Variants in INTS6 observed in about 807,000 individuals in gnomAD.
INTS6 encodes the protein integrator complex subunit 6.
INTS6 carries 16 observed loss-of-function variants against 104.9 expected under a neutral mutation model. The ratio of observed to expected loss-of-function variants is 0.15; its 90% CI spans 0.10 to 0.23. The LOEUF (loss-of-function observed/expected upper bound fraction) is 0.23, where lower values mean the gene tolerates loss of function less well. Ranked by LOEUF, INTS6 falls within the 10% of genes least tolerant of loss-of-function variation. The pLI is 1.00. For missense variants in INTS6, 584 were observed against 1,062.8 expected, an observed-to-expected ratio of 0.55 and a Z score of 6.26; for synonymous variants, 324 against 358.7, an observed-to-expected ratio of 0.90 and a Z score of 1.09.
At chr13:51,336,961 C>A in the INTS6 span, among the ~76,000 whole-genome samples, 1 of 152,246 alleles carries the variant, frequency 6.6e-6, no homozygotes, top group Non-Finnish European at 1.5e-5. Context: ...CCAGCGGCAG[C>A]GCTTTGCCGT....
chr13:51,443,655 C>T (rs1952839164), intron 3 of INTS6: 1 of 152,066 alleles, frequency 6.6e-6, no homozygotes, highest in East Asian at 1.9e-4. Context: ...CCCAGGAGTT[C>T]AAGACCAGCC....
chr13:51,404,500 A>G (rs965921188), intron 4 of INTS6, among the ~76,000 whole-genome samples: 1 of 152,090 alleles, frequency 6.6e-6, no homozygotes, highest in African/African-American at 2.4e-5. Flanking sequence ...TGAGCTGCAA[A>G]GCCTACCTGA....
chr13:51,384,973 T>C (rs1956114140), intron 7 of INTS6: 1 of 224,468 alleles, frequency 4.5e-6, no homozygotes, highest in Non-Finnish European at 9.0e-6. Context: ...ATAATTTCCC[T>C]ATCTAAAACT....
At chr13:51,392,321 A>G (rs543118592) in intron 5 of INTS6, among the ~76,000 whole-genome samples, 2 of 152,178 alleles carry the variant, frequency 1.3e-5, no homozygotes, top group Non-Finnish European at 2.9e-5. Flanking sequence ...CTATTACTCT[A>G]TTCCCCGCTA....
At chr13:51,380,054 T>C (rs887464799) in intron 10 of INTS6, among the ~76,000 whole-genome samples, 13 of 152,056 alleles carry the variant, frequency 8.5e-5, no homozygotes, top group Non-Finnish European at 1.0e-4. Context: ...ATGGGGATAA[T>C]AACAATACCT....
At chr13:51,399,212 GTTTTATT>G (rs146529366) in intron 4 of INTS6, among the ~76,000 whole-genome samples, 17,834 of 151,946 alleles carry the variant, frequency 0.12, 1,284 homozygotes, top group South Asian at 0.21. Context: ...ATCATAATTA[GTTTTATT>G]TTTTAGAGAC....
At chr13:51,450,176 A>T in intron 3 of INTS6, 1 of 985,030 alleles carries the variant, frequency 1.0e-6, no homozygotes, top group Non-Finnish European at 1.2e-6. Context: ...ACTACAACAT[A>T]AGAACTGAGC....
chr13:51,391,687 A>G (rs1440350847), intron 5 of INTS6, among the ~76,000 whole-genome samples: 1 of 152,208 alleles, frequency 6.6e-6, no homozygotes. Context: ...GAGTCCACAA[A>G]AAAGTCAAAC....
chr13:51,392,528 G>A (rs1287587561), intron 5 of INTS6, among the ~76,000 whole-genome samples: 1 of 152,196 alleles, frequency 6.6e-6, no homozygotes, highest in African/African-American at 2.4e-5. Flanking sequence ...CCTTCCTGTT[G>A]CTTCCAAATA....
At chr13:51,353,230 A>T (rs915746943), downstream of INTS6, among the ~76,000 whole-genome samples, 2 of 152,178 alleles carry the variant, frequency 1.3e-5, no homozygotes, top group Non-Finnish European at 2.9e-5. Context: ...GATATTATCC[A>T]GTTTTATTAC....
intron 3 of INTS6, among the ~76,000 whole-genome samples, chr13:51,434,428 GAAAAGAA>G (rs1957149525): frequency 1.3e-5 from 2 of 151,858 alleles, no homozygotes; most frequent in South Asian, 4.1e-4. Context: ...ATCAAACATA[GAAAAGAA>G]AAAAGAAAAA....
chr13:51,343,840 A>G, the INTS6 span, among the ~76,000 whole-genome samples: 1 of 152,216 alleles, frequency 6.6e-6, no homozygotes. Context: ...AACATTGCAC[A>G]TAAATCTCCT....
chr13:51,369,441 G>T, intron 15 of INTS6, 131 bp from the exon 16 acceptor site: 1 of 886,490 alleles, frequency 1.1e-6, no homozygotes, highest in Non-Finnish European at 1.7e-6. Flanking sequence ...CAAATAATGT[G>T]ATATAGTTTT....
At chr13:51,441,160 G>A (rs906388206) in intron 3 of INTS6, 1 of 152,032 alleles carries the variant, frequency 6.6e-6, no homozygotes, top group African/African-American at 2.4e-5. Context: ...TACAATATAA[G>A]CTAGTGAGTG....
intron 5 of INTS6, among the ~76,000 whole-genome samples, chr13:51,393,979 TTA>T (rs1434289093): frequency 6.6e-6 from 1 of 152,014 alleles, no homozygotes; most frequent in East Asian, 1.9e-4. Flanking sequence ...TGTGAGAATG[TTA>T]TAGCCTCCAA....
intron 9 of INTS6, 34 bp from the exon 10 acceptor site, chr13:51,382,157 CTCAT>C: frequency 7.5e-7 from 1 of 1,333,006 alleles, no homozygotes; most frequent in Non-Finnish European, 1.1e-6. Context: ...ACTATCACTA[CTCAT>C]TATTTTCACA....
intron 2 of INTS6, 99 bp downstream of exon 2, chr13:51,451,879 G>T: frequency 1.3e-6 from 1 of 745,378 alleles, no homozygotes; most frequent in Admixed American, 2.1e-5. Context: ...GCGGGTGGGG[G>T]AGGGGAGCAT....
intron 4 of INTS6, among the ~76,000 whole-genome samples, chr13:51,403,581 C>CAAAAAAAAAAAAAAAAAAAAAA (rs1290796257): frequency 4.9e-5 from 1 of 20,266 alleles, no homozygotes; most frequent in African/African-American, 2.2e-4. Flanking sequence ...GACTCCATTT[C>CAAAAAAAAAAAAAAAAAAAAAA]AAAAAAAAAA....
At chr13:51,349,018 T>C in the INTS6 span, among the ~76,000 whole-genome samples, 1 of 152,208 alleles carries the variant, frequency 6.6e-6, no homozygotes, top group Non-Finnish European at 1.5e-5. Flanking sequence ...CATTCTATGT[T>C]GCTTTTTCAA....
Sources: allele counts gnomAD v4.1 joint callset (sites outside exome capture counted in the v4.1 genomes callset), GRCh38; gene constraint gnomAD v4.1.1; transcripts MANE v1.5; gene names NCBI Gene and HGNC (gene_info 2026-07-23, HGNC 2026-07-21).